KCNT1: variants seen among roughly 807,000 people sequenced by gnomAD.
KCNT1 encodes potassium channel subfamily T member 1.
KCNT1 carries 78 observed loss-of-function variants against 147.8 expected under a neutral mutation model. The observed-to-expected ratio is 0.53, with a 90% CI of 0.44 to 0.64. The LOEUF (loss-of-function observed/expected upper bound fraction) is 0.64. Ranked by LOEUF, KCNT1 falls within the 30% of genes least tolerant of loss-of-function variation. The pLI is 0.00. For missense variants in KCNT1, 1,419 were observed against 1,750.3 expected, an observed-to-expected ratio of 0.81 and a Z score of 3.38; for synonymous variants, 867 against 748.8, an observed-to-expected ratio of 1.16 and a Z score of -2.58.
chr9:135,712,072 C>T (rs1026852280), intron 1 of KCNT1, among the ~76,000 whole-genome samples: 3 of 152,214 alleles, frequency 2.0e-5, no homozygotes, highest in Non-Finnish European at 4.4e-5. Flanking sequence ...TCTTGCCACT[C>T]TCTGGGCCTG....
At chr9:135,758,365 G>A (rs1831660078) in intron 9 of KCNT1, 49 bp from the exon 10 acceptor site, 1 of 1,385,796 alleles carries the variant, frequency 7.2e-7, no homozygotes. Context: ...ATTGGCTCCT[G>A]GCGGGGTCCA....
intron 1 of KCNT1, among the ~76,000 whole-genome samples, chr9:135,708,965 C>A (rs1011617050): frequency 6.6e-6 from 1 of 152,190 alleles, no homozygotes; most frequent in Non-Finnish European, 1.5e-5. Flanking sequence ...GAAATAAGGG[C>A]CTGGTGATGC....
rs2131422984 is a variant in KCNT1 at position 135,753,978 on chromosome 9, C to T, written c.476C>T (p.Ser159Phe). Reference protein sequence around the residue: ...PKQNYSFNDSSSEINWAPILW... With the variant: ...PKQNYSFNDSFSEINWAPILW... ...CAGAACTACTCCTTCAATGACTCGT[C>T]CTCCGAGATCAACTGGTGAGTCCAC... Residue 159 changes from serine (S) to phenylalanine (F), a missense_variant, in exon 5 of 31, where the codon TCC becomes TTC. Ser to Phe is a radical substitution (Grantham distance 155, BLOSUM62 -2). This residue lies in a region of KCNT1 where 401 missense variants were observed against 610.6 expected (regional missense o/e 0.66). Coordinates refer to ENST00000371757, the MANE Select transcript of KCNT1 (RefSeq NM_020822.3). 6.2e-7 allele frequency: 1 copy of T among 1,614,104 alleles called. No homozygotes were observed. Among genetic ancestry groups the T allele is most frequent in the Non-Finnish European group, 8.5e-7 (1 of 1,179,982 alleles).
At chr9:135,725,699 C>T (rs969391919) in intron 2 of KCNT1, among the ~76,000 whole-genome samples, 5 of 152,188 alleles carry the variant, frequency 3.3e-5, no homozygotes, top group Non-Finnish European at 7.4e-5. Flanking sequence ...GCCCCAGGGG[C>T]CACTAAGGAG....
chr9:135,780,158 C>A (rs969223942), intron 24 of KCNT1, among the ~76,000 whole-genome samples: 1 of 152,258 alleles, frequency 6.6e-6, no homozygotes, highest in Non-Finnish European at 1.5e-5. Context: ...GCATTCCCCA[C>A]CTGCTCAAGC....
intron 2 of KCNT1, among the ~76,000 whole-genome samples, chr9:135,724,044 C>G (rs1836030269): frequency 6.6e-6 from 1 of 152,234 alleles, no homozygotes; most frequent in Non-Finnish European, 1.5e-5. Context: ...TCCATGCCCT[C>G]CTCCCAGCAC....
chr9:135,769,226 T>A (rs1469475094), intron 15 of KCNT1, among the ~76,000 whole-genome samples: 3 of 141,500 alleles, frequency 2.1e-5, no homozygotes, highest in African/African-American at 8.1e-5. Flanking sequence ...AGGGCACGTG[T>A]GCACGTGTGT....
chr9:135,783,719 G>A (rs748128648), intron 24 of KCNT1, among the ~76,000 whole-genome samples: 16 of 152,236 alleles, frequency 1.1e-4, no homozygotes, highest in African/African-American at 2.9e-4. Flanking sequence ...AGAGCAGGGC[G>A]CTTGACCAAG....
chr9:135,738,619 G>A (rs1029833103), intron 2 of KCNT1, among the ~76,000 whole-genome samples: 7 of 152,192 alleles, frequency 4.6e-5, no homozygotes, highest in African/African-American at 1.7e-4. Context: ...TCATTGTTGA[G>A]AAGACAGTGA....
At chr9:135,740,821 G>A (rs1048649597) in intron 2 of KCNT1, among the ~76,000 whole-genome samples, 1 of 152,228 alleles carries the variant, frequency 6.6e-6, no homozygotes, top group Admixed American at 6.5e-5. Flanking sequence ...ACCAACCGCT[G>A]GGACAGGCGA....
At position 135,777,385 on chromosome 9, in the gene KCNT1, G is replaced by A. The variant is rs1393309772; in HGVS notation, c.2397G>A (p.Lys799=). The A allele has an allele frequency of 6.2e-7, 1 of 1,614,002 alleles. No homozygotes were observed. Among genetic ancestry groups the A allele is most frequent in the African/African-American group, 1.3e-5 (1 of 74,922 alleles). Residue 799 remains lysine, a synonymous_variant, in exon 21 of 31, where the codon AAG becomes AAA. Coordinates refer to ENST00000371757, the MANE Select transcript of KCNT1 (RefSeq NM_020822.3). ...AAGACGCCAAGGCCTACGGGTTCAA[G>A]AACAAGCTGATCATCGTCTCGGCAG... The part of the protein sequence containing the change: ...SYEDAKAYGF[K]NKLIIVSAET...
intron 2 of KCNT1, among the ~76,000 whole-genome samples, chr9:135,725,119 C>A (rs1045341303): frequency 6.6e-6 from 1 of 152,208 alleles, no homozygotes; most frequent in Non-Finnish European, 1.5e-5. Flanking sequence ...ATGGCCCAAC[C>A]GCCTCCCTGC....
chr9:135,734,809 G>A (rs1830269369), intron 2 of KCNT1, among the ~76,000 whole-genome samples: 1 of 152,160 alleles, frequency 6.6e-6, no homozygotes. Context: ...CGCAGCCCAG[G>A]CACCCTCCCT....
At chr9:135,754,623 G>A (rs1831371412) in intron 5 of KCNT1, among the ~76,000 whole-genome samples, 1 of 152,220 alleles carries the variant, frequency 6.6e-6, no homozygotes, top group South Asian at 2.1e-4. Context: ...CCATGCCCCT[G>A]CCTGTTTATG....
intron 2 of KCNT1, among the ~76,000 whole-genome samples, chr9:135,722,102 C>T (rs1835947809): frequency 6.6e-6 from 1 of 152,164 alleles, no homozygotes; most frequent in African/African-American, 2.4e-5. Context: ...TGTGGGGCAT[C>T]ACCTGGCTGT....
chr9:135,779,501 C>CCCCAGAAT (rs1459976099), intron 24 of KCNT1, 31 bp downstream of exon 24: 1 of 1,459,370 alleles, frequency 6.9e-7, no homozygotes, highest in Non-Finnish European at 9.6e-7. Context: ...CCAGCTGCCA[C>CCCCAGAAT]CCCAGAATCC....
At chr9:135,777,744 GCTC>G (rs1319003580) in intron 21 of KCNT1, among the ~76,000 whole-genome samples, 1 of 140,346 alleles carries the variant, frequency 7.1e-6, no homozygotes, top group Non-Finnish European at 1.5e-5. Flanking sequence ...CCCACCCCCA[GCTC>G]CTCTGGCTCC....
chr9:135,723,208 C>T (rs1367937551), intron 2 of KCNT1, among the ~76,000 whole-genome samples: 5 of 152,220 alleles, frequency 3.3e-5, no homozygotes, highest in Admixed American at 1.3e-4. Flanking sequence ...CAGAGCTCGC[C>T]TGCAGGGCAG....
chr9:135,784,934 T>C (rs202181003), intron 27 of KCNT1, 45 bp downstream of exon 27: 288 of 1,593,390 alleles, frequency 1.8e-4, no homozygotes, highest in Non-Finnish European at 2.0e-4. Flanking sequence ...GCCCCTGTCC[T>C]GTGTGACCCA....
Sources: gnomAD v4.1 joint callset for allele counts (sites outside exome capture counted in the v4.1 genomes callset) on GRCh38, gnomAD v4.1.1 for gene constraint, gnomAD v4.1.1 regional missense constraint, MANE v1.5 for transcripts, NCBI Gene and HGNC (gene_info 2026-07-23, HGNC 2026-07-21) for gene names.